APCDD1: variants seen among roughly 807,000 people sequenced by gnomAD.
APCDD1 encodes APC down-regulated 1, also known as protein APCDD1.
A neutral mutation model predicts 38.1 loss-of-function variants in APCDD1; 15 were observed. That is an observed-to-expected ratio of 0.39 (90% CI 0.26 to 0.61). APCDD1 has a LOEUF of 0.61. APCDD1 is among the 20% of genes least tolerant of loss of function. The pLI, the probability that APCDD1 is intolerant of heterozygous loss-of-function variation, is 0.49. For missense variants in APCDD1, 647 were observed against 696.2 expected (o/e 0.93, Z 0.79); for synonymous variants, 261 against 279.7 (o/e 0.93, Z 0.67).
chr18:10,480,010 A>C (rs2031098388), intron 3 of APCDD1, among the ~76,000 whole-genome samples: 1 of 152,072 alleles, frequency 6.6e-6, no homozygotes, highest in Non-Finnish European at 1.5e-5. Flanking sequence ...AGCTTTTTAT[A>C]GTGTGTGTAA....
intron 1 of APCDD1, among the ~76,000 whole-genome samples, chr18:10,460,794 C>T (rs938388874): frequency 6.6e-6 from 1 of 152,130 alleles, no homozygotes; most frequent in Non-Finnish European, 1.5e-5. Flanking sequence ...GGTACACTGG[C>T]GTGCTTCCTT....
Position 10,475,018 on chromosome 18 carries a change from G to A in APCDD1, c.774+2957G>A, listed in dbSNP as rs1446896546. On this transcript the variant is annotated intron_variant, in intron 3 of 4. Coordinates refer to ENST00000355285, the MANE Select transcript of APCDD1 (RefSeq NM_153000.5). This position sits in a 1 kb window ranked among gnomAD's most constrained non-coding sequence, Gnocchi z 4.0. ...GCATTGGTAGTTATCTGACCTACTG[G>A]AGACTTCATTTTCCTTTTCTGTAAA... Among the ~76,000 whole-genome samples the A allele has an allele frequency of 6.6e-6, 1 of 152,196 alleles. No homozygotes were observed. Among genetic ancestry groups the A allele is most frequent in the Non-Finnish European group, 1.5e-5 (1 of 68,034 alleles).
chr18:10,488,420 C>T lies in APCDD1; in HGVS notation c.*382C>T. 1 of 192,006 alleles carries T rather than the reference C, an allele frequency of 5.2e-6. No homozygotes were observed. Among genetic ancestry groups the T allele is most frequent in the Non-Finnish European group, 1.1e-5 (1 of 93,246 alleles). 11.9% of individuals were successfully genotyped at this position (192,006 alleles called of 1,614,324 possible). ...AACTATCAAGCTACAACTTTTCCTG[C>T]CATTTTCCTGTGGTTGCAGCCTGTC... On this transcript the variant is annotated 3_prime_UTR_variant, in exon 5 of 5. Coordinates refer to ENST00000355285, the MANE Select transcript of APCDD1 (RefSeq NM_153000.5).
Position 10,455,039 on chromosome 18 carries a change from G to A in APCDD1, c.58G>A (p.Gly20Arg). ...RYLFPALLLH[G>R]LGEGSALLHP... ...CCTGTTCCCGGCCCTCCTGCTTCAC[G>A]GTGAGTTCCCGAGGGCCACTCGAGC... Residue 20 changes from glycine to arginine, a missense_variant and splice_region_variant, in exon 1 of 5, where the codon GGG (glycine) becomes AGG (arginine). Physicochemically the swap from Gly to Arg is moderately radical, Grantham distance 125. Transcript: ENST00000355285. The A allele has an allele frequency of 1.9e-6, 3 of 1,563,900 alleles. No homozygotes were observed. The highest frequency in any genetic ancestry group is 2.6e-6 in the Non-Finnish European group (3 of 1,154,476).
At chr18:10,455,609 G>T (rs532275566) in intron 1 of APCDD1, among the ~76,000 whole-genome samples, 72 of 152,272 alleles carry the variant, frequency 4.7e-4, no homozygotes, top group Non-Finnish European at 8.5e-4. Flanking sequence ...GGACTGTTGC[G>T]TTCTCTGGGT....
At position 10,476,786 on chromosome 18, in the gene APCDD1, G is replaced by A. The variant is rs1568005949; in HGVS notation, c.774+4725G>A. ...TACAGCAGGGGAGCTACACACGGGA[G>A]GGAGAAAAGCACCGGGCTTTGGGAG... On this transcript the variant is annotated intron_variant, in intron 3 of 4. Coordinates refer to ENST00000355285, the MANE Select transcript of APCDD1 (RefSeq NM_153000.5). The surrounding 1 kb of genome is among the most constrained non-coding windows in gnomAD (Gnocchi z 5.8). 6.6e-6 allele frequency: 1 copy of A among 152,218 alleles called. No individual in the cohort carries two copies. The highest frequency in any genetic ancestry group is 6.5e-5 in the Admixed American group (1 of 15,290). 9.4% of individuals were successfully genotyped at this position (152,218 alleles called of 1,614,324 possible).
chr18:10,471,486 C>G lies in APCDD1; in HGVS notation c.243-44C>G. On this transcript the variant is annotated intron_variant, in intron 2 of 4. Coordinates refer to ENST00000355285, the MANE Select transcript of APCDD1 (RefSeq NM_153000.5). The surrounding 1 kb of genome is among the most constrained non-coding windows in gnomAD (Gnocchi z 5.5). ...TACTATAATGAATCTCTTTCCCATACCTTCAGGCTTACAAAGGTCTCTTCT... is the reference window on the plus strand; with the variant it reads ...TACTATAATGAATCTCTTTCCCATAGCTTCAGGCTTACAAAGGTCTCTTCT... 1.2e-6 allele frequency: 2 copies of G among 1,611,612 alleles called. No individual in the cohort carries two copies. Among genetic ancestry groups the G allele is most frequent in the South Asian group, 1.1e-5 (1 of 91,022 alleles).
At chr18:10,460,804 T>A (rs750245331) in intron 1 of APCDD1, among the ~76,000 whole-genome samples, 1 of 152,172 alleles carries the variant, frequency 6.6e-6, no homozygotes, top group Non-Finnish European at 1.5e-5. Flanking sequence ...CGTGCTTCCT[T>A]AGCACACCAT....
chr18:10,468,692 C>T, intron 2 of APCDD1, 40 bp downstream of exon 2: 1 of 1,601,786 alleles, frequency 6.2e-7, no homozygotes, highest in Non-Finnish European at 8.5e-7. Context: ...CCAGAGAGCA[C>T]ACCACTATGG....
chr18:10,480,662 G>A (rs1237985219), intron 3 of APCDD1, among the ~76,000 whole-genome samples: 2 of 151,740 alleles, frequency 1.3e-5, no homozygotes, highest in African/African-American at 4.8e-5. Context: ...AGAAGTTTGA[G>A]ACCAGCCTGG....
rs768144488 is a variant in APCDD1, at chr18:10,487,641, A to G, written c.1148A>G (p.Asn383Ser). The change falls in exon 5 of 5, where the codon AAC becomes AGC. Residue 383 changes from asparagine (N) to serine (S), a missense_variant. Coordinates refer to ENST00000355285, the MANE Select transcript of APCDD1 (RefSeq NM_153000.5). ...PMDAATASLLNVFNGNECGAE... is the reference protein window; with the variant it reads ...PMDAATASLLSVFNGNECGAE... Reference sequence around the variant, plus strand: ...GATGCGGCCACAGCCTCACTGCTCAACGTCTTCAACGGGAATGAGTGCGGG... The same window carrying G: ...GATGCGGCCACAGCCTCACTGCTCAGCGTCTTCAACGGGAATGAGTGCGGG... 5.9e-5 allele frequency: 96 copies of G among 1,614,020 alleles called. No individual in the cohort carries two copies. The highest frequency in any genetic ancestry group is 7.7e-5 in the Non-Finnish European group (91 of 1,180,042).
At chr18:10,463,623 C>T (rs977874247) in intron 1 of APCDD1, among the ~76,000 whole-genome samples, 3 of 152,186 alleles carry the variant, frequency 2.0e-5, no homozygotes, top group African/African-American at 7.2e-5. Context: ...AGAAGTAGTA[C>T]TCACAGGAAA....
rs780003300 is a variant in APCDD1 at position 10,467,147 on chromosome 18, A to G, written c.59-1322A>G. 2.6e-5 allele frequency among the ~76,000 whole-genome samples: 4 copies of G among 152,240 alleles called. No homozygotes were observed. The highest frequency in any genetic ancestry group is 6.5e-5 in the Admixed American group (1 of 15,284). On this transcript the variant is annotated intron_variant, in intron 1 of 4. Coordinates refer to ENST00000355285, the MANE Select transcript of APCDD1 (RefSeq NM_153000.5). This position sits in a 1 kb window ranked among gnomAD's most constrained non-coding sequence, Gnocchi z 4.8. ...GTAAATATCTGAATATTTAACAGAT[A>G]TCTGAAGTTACCATCCTGCAGGTCT... is the stretch of plus-strand genomic sequence containing the variant.
intron 3 of APCDD1, among the ~76,000 whole-genome samples, chr18:10,480,373 A>T (rs1476782518): frequency 6.6e-6 from 1 of 152,206 alleles, no homozygotes; most frequent in African/African-American, 2.4e-5. Flanking sequence ...AATACAATAT[A>T]CAGGCTTTAA....
In APCDD1 at chr18:10,454,835, C is replaced by G. The variant is rs2030325852; in HGVS notation, c.-147C>G. The G allele has an allele frequency of 2.0e-6, 2 of 1,010,932 alleles. No homozygotes were observed. Among genetic ancestry groups the G allele is most frequent in the African/African-American group, 3.5e-5 (2 of 57,382 alleles). The allele number at this position is 1,010,932 out of a possible 1,614,324, so 62.6% of individuals were successfully genotyped here. ...GCGCCCCGCAGCCCCGCGCCTAGCC[C>G]GCCGGGCATGGGGCGCGCGGCAGCC... is the stretch of plus-strand genomic sequence containing the variant. On this transcript the variant is annotated 5_prime_UTR_variant, in exon 1 of 5. Coordinates refer to ENST00000355285, the MANE Select transcript of APCDD1 (RefSeq NM_153000.5).
chr18:10,464,157 A>G (rs1310599853), intron 1 of APCDD1, among the ~76,000 whole-genome samples: 15 of 151,400 alleles, frequency 9.9e-5, no homozygotes, highest in Non-Finnish European at 4.4e-5. Flanking sequence ...TTCCCGTGTG[A>G]CTCTAGTCTT....
At chr18:10,455,088 C>T in intron 1 of APCDD1, 49 bp downstream of exon 1, 2 of 1,544,640 alleles carry the variant, frequency 1.3e-6, no homozygotes, top group Non-Finnish European at 1.7e-6. Flanking sequence ...GGAGGCAGCC[C>T]GGGCGCCGCG....
At chr18:10,474,987 C>T (rs1440338318) in intron 3 of APCDD1, among the ~76,000 whole-genome samples, 2 of 152,172 alleles carry the variant, frequency 1.3e-5, no homozygotes, top group African/African-American at 4.8e-5. Context: ...TGTCATCAGC[C>T]GTGTGGCATT....
rs1282337593 is a variant in APCDD1, at chr18:10,467,281, A to G, written c.59-1188A>G. Among the ~76,000 whole-genome samples, 1 of 152,176 alleles carries G rather than the reference A, an allele frequency of 6.6e-6. No homozygotes were observed. Among genetic ancestry groups the G allele is most frequent in the Admixed American group, 6.5e-5 (1 of 15,282 alleles). On this transcript the variant is annotated intron_variant, in intron 1 of 4. Coordinates refer to ENST00000355285, the MANE Select transcript of APCDD1 (RefSeq NM_153000.5). This position sits in a 1 kb window ranked among gnomAD's most constrained non-coding sequence, Gnocchi z 4.8. ...GAAACCGTGCCTTCTCTATGAAGCT[A>G]TTTATGTGTTGATTAAAAAATATAA...
Sources: gnomAD v4.1 joint callset for allele counts (sites outside exome capture counted in the v4.1 genomes callset) on GRCh38, gnomAD v4.1.1 for gene constraint, Gnocchi (gnomAD v3.1) non-coding constraint, MANE v1.5 for transcripts, NCBI Gene and HGNC (gene_info 2026-07-23, HGNC 2026-07-21) for gene names.